Variants in ZNF189 observed in about 807,000 individuals in gnomAD.
ZNF189 encodes zinc finger protein 189.
Under a neutral mutation model 53.5 loss-of-function variants are expected in ZNF189, and 33 were observed. The observed-to-expected ratio is 0.62, with a 90% CI of 0.47 to 0.82. The LOEUF (loss-of-function observed/expected upper bound fraction) is 0.82, where lower values mean the gene tolerates loss of function less well. ZNF189 is among the 40% of genes least tolerant of loss of function. ZNF189 has a pLI of 0.00. For missense variants in ZNF189, 711 were observed against 753.9 expected (o/e 0.94, Z 0.67); for synonymous variants, 247 against 238.8 (o/e 1.03, Z -0.32).
chr9:101,398,890 A>C lies in ZNF189; in HGVS notation c.-267A>C. 1.8e-6 allele frequency: 1 copy of C among 545,528 alleles called. No individual in the cohort carries two copies. The highest frequency in any genetic ancestry group is 3.3e-6 in the Non-Finnish European group (1 of 307,542). 33.8% of individuals were successfully genotyped at this position (545,528 alleles called of 1,614,324 possible). ...TTGGCTGCAAGGAGGAGGAACTGGC[A>C]GCGGGGAGGAGGCTCTAGCGAGGCC... On this transcript the variant is annotated 5_prime_UTR_variant, in exon 1 of 3. Coordinates refer to ENST00000339664, the MANE Select transcript of ZNF189 (RefSeq NM_003452.4).
At position 101,408,578 on chromosome 9, in the gene ZNF189, T is replaced by C. The variant is rs762485437; in HGVS notation, c.810T>C (p.Ser270=). 5.0e-6 allele frequency: 8 copies of C among 1,614,126 alleles called. No individual in the cohort carries two copies. Among genetic ancestry groups the C allele is most frequent in the Non-Finnish European group, 5.9e-6 (7 of 1,180,014 alleles). The part of the protein sequence containing the change: ...HKCSDCGKAF[S]WKSHLIEHQR... ...GTAGTGACTGTGGGAAAGCCTTCAG[T>C]TGGAAATCACACCTTATTGAGCATC... is the stretch of plus-strand genomic sequence containing the variant. Residue 270 remains serine (S), a synonymous_variant, in exon 3 of 3, where the codon AGT becomes AGC. Coordinates refer to ENST00000339664, the MANE Select transcript of ZNF189 (RefSeq NM_003452.4).
chr9:101,406,959 T>C (rs1242259557), intron 2 of ZNF189, among the ~76,000 whole-genome samples: 2 of 152,206 alleles, frequency 1.3e-5, no homozygotes, highest in Admixed American at 6.5e-5. Flanking sequence ...TTAGAGGGTT[T>C]AGAATCACAT....
intron 2 of ZNF189, among the ~76,000 whole-genome samples, chr9:101,400,900 C>G (rs1249426708): frequency 1.3e-5 from 2 of 152,218 alleles, no homozygotes; most frequent in Non-Finnish European, 2.9e-5. Flanking sequence ...TACAACTTCT[C>G]TATCTTTCCT....
At chr9:101,407,271 T>C (rs762638129) in intron 2 of ZNF189, 2 of 396,306 alleles carry the variant, frequency 5.0e-6, no homozygotes, top group Non-Finnish European at 8.9e-6. Context: ...GAATCCTGGC[T>C]GATTACAATG....
At chr9:101,399,773 C>T (rs1830462262) in intron 1 of ZNF189, 111 bp from the exon 2 acceptor site, 2 of 1,510,612 alleles carry the variant, frequency 1.3e-6, no homozygotes, top group South Asian at 2.4e-5. Context: ...TTTCAGTTAT[C>T]ATGTTCCTCC....
rs547466740 is a variant in ZNF189, at chr9:101,405,093, A to G, written c.161-2836A>G. On this transcript the variant is annotated intron_variant, in intron 2 of 2. Transcript: ENST00000339664. Reference sequence around the variant, plus strand: ...AGACTGTAACACAAACAATTTGCCTACATAAAGTATGATAAAGTAGGTAGG... The same window carrying G: ...AGACTGTAACACAAACAATTTGCCTGCATAAAGTATGATAAAGTAGGTAGG... Among the ~76,000 whole-genome samples, 175 of 152,326 alleles carry G rather than the reference A, an allele frequency of 1.1e-3. 4 individuals carry two copies. In the Middle Eastern group the frequency reaches 0.014, roughly 12 times the overall value.
rs1438136991 is a variant in ZNF189 at position 101,410,150 on chromosome 9, T to A, written c.*501T>A. 1 of 153,328 alleles carries A rather than the reference T, an allele frequency of 6.5e-6. No homozygotes were observed. The highest frequency in any genetic ancestry group is 2.4e-5 in the African/African-American group (1 of 41,468). The allele number at this position is 153,328 out of a possible 1,614,324, so 9.5% of individuals were successfully genotyped here. A position where few individuals can be genotyped will look rare whatever the true frequency, so the allele number is the denominator to read the frequency against. ...CAAGTATACAGTTTTTGTCATTGTT[T>A]AAGAAAGCCAGTTGTTTGGCATGTG... is the stretch of plus-strand genomic sequence containing the variant. On this transcript the variant is annotated 3_prime_UTR_variant, in exon 3 of 3. Coordinates refer to ENST00000339664, the MANE Select transcript of ZNF189 (RefSeq NM_003452.4).
chr9:101,407,861 A>G (rs1013518171), intron 2 of ZNF189, 68 bp from the exon 3 acceptor site: 67 of 1,414,040 alleles, frequency 4.7e-5, no homozygotes, highest in Non-Finnish European at 5.9e-5. Context: ...TTGTTTGCCC[A>G]TCTTACTTTG....
intron 1 of ZNF189, 137 bp from the exon 2 acceptor site, chr9:101,399,747 G>T: frequency 7.1e-7 from 1 of 1,408,374 alleles, no homozygotes; most frequent in Non-Finnish European, 9.7e-7. Context: ...TCCCAGAATT[G>T]GGCAACATAT....
rs574323230 is a variant in ZNF189 at position 101,402,281 on chromosome 9, C to T, written c.160+2271C>T. Among the ~76,000 whole-genome samples, 3 of 152,042 alleles carry T rather than the reference C, an allele frequency of 2.0e-5. No homozygotes were observed. In the South Asian group the frequency reaches 6.2e-4, roughly 32 times the overall value. ...AACTGCCTAGGTTTAAATCCTTGTT[C>T]CACCACTTACTTAGCCTGGTGAGTA... On this transcript the variant is annotated intron_variant, in intron 2 of 2. Coordinates refer to ENST00000339664, the MANE Select transcript of ZNF189 (RefSeq NM_003452.4).
Position 101,409,251 on chromosome 9 carries a change from C to T in ZNF189, c.1483C>T (p.Arg495Trp), listed in dbSNP as rs370526862. Residue 495 changes from arginine to tryptophan, a missense_variant, in exon 3 of 3, where the codon CGG becomes TGG. Transcript: ENST00000339664. ...LCTVCGKSFS[R>W]SSFLIEHQRI... ...TACTGTCTGTGGGAAAAGCTTCAGC[C>T]GGAGCTCATTTCTTATTGAACATCA... 1.5e-5 allele frequency: 25 copies of T among 1,613,288 alleles called. No individual in the cohort carries two copies. Among genetic ancestry groups the T allele is most frequent in the South Asian group, 5.5e-5 (5 of 91,036 alleles).
At position 101,409,667 on chromosome 9, in the gene ZNF189, A is replaced by G; in HGVS notation, c.*18A>G. 6.4e-7 allele frequency: 1 copy of G among 1,571,792 alleles called. No individual in the cohort carries two copies. The highest frequency in any genetic ancestry group is 8.6e-7 in the Non-Finnish European group (1 of 1,162,120). ...TGCAATAAATGTAGAGCAATACATAAGCTCAATTTGATTTGAGACTAGTAC... is the reference window on the plus strand; with the variant it reads ...TGCAATAAATGTAGAGCAATACATAGGCTCAATTTGATTTGAGACTAGTAC... On this transcript the variant is annotated 3_prime_UTR_variant, in exon 3 of 3. Transcript: ENST00000339664.
chr9:101,404,226 G>A (rs1361900931), intron 2 of ZNF189, among the ~76,000 whole-genome samples: 1 of 152,146 alleles, frequency 6.6e-6, no homozygotes, highest in East Asian at 1.9e-4. Flanking sequence ...TTATGTGAAT[G>A]TCATTGTTTT....
At position 101,408,186 on chromosome 9, in the gene ZNF189, A is replaced by T; in HGVS notation, c.418A>T (p.Arg140Ter). Residue 140 changes from arginine (R) to a stop codon, truncating the protein, a stop_gained, in exon 3 of 3, where the codon AGA (arginine) becomes TGA (stop). Coordinates refer to ENST00000339664, the MANE Select transcript of ZNF189 (RefSeq NM_003452.4). LOFTEE classifies it high-confidence loss of function. ...FRENTNIIRKRPNSEEKCHKC... is the reference protein window; with the variant it reads ...FRENTNIIRK ...AGAAAACACTAACATTATCCGTAAAAGACCAAACTCAGAAGAGAAATGCCA... is the reference window on the plus strand; with the variant it reads ...AGAAAACACTAACATTATCCGTAAATGACCAAACTCAGAAGAGAAATGCCA... 1.2e-6 allele frequency: 2 copies of T among 1,614,190 alleles called. No individual in the cohort carries two copies. Among genetic ancestry groups the T allele is most frequent in the Non-Finnish European group, 1.7e-6 (2 of 1,180,032 alleles).
In ZNF189 at chr9:101,409,556, A is replaced by G. The variant is rs765953036; in HGVS notation, c.1788A>G (p.Gln596=). ...AGATCCATGCAGAGGTGAAAACCCA[A>G]GAAACCCATGAATGTGACGCTTGTG... is the stretch of plus-strand genomic sequence containing the variant. ...HQKIHAEVKT[Q]ETHECDACGE... Residue 596 remains glutamine (Q), a synonymous_variant, in exon 3 of 3, where the codon CAA becomes CAG. Coordinates refer to ENST00000339664, the MANE Select transcript of ZNF189 (RefSeq NM_003452.4). 1.2e-6 allele frequency: 2 copies of G among 1,614,100 alleles called. No homozygotes were observed. Among genetic ancestry groups the G allele is most frequent in the Non-Finnish European group, 1.7e-6 (2 of 1,179,998 alleles).
rs1405271626 is a variant in ZNF189 at position 101,408,497 on chromosome 9, G to A, written c.729G>A (p.Gln243=). 54 of 1,614,060 alleles carry A rather than the reference G, an allele frequency of 3.3e-5. No homozygotes were observed. Among genetic ancestry groups the A allele is most frequent in the Non-Finnish European group, 4.4e-5 (52 of 1,180,042 alleles). Residue 243 remains glutamine (Q), a synonymous_variant, in exon 3 of 3, where the codon CAG becomes CAA. Transcript: ENST00000339664. ...ATCAGTGTAAACAGAGCTTCAGCCA[G>A]AGAAGGAGCCTTGTTAAACATCAAA... The part of the protein sequence containing the change: ...QCNQCKQSFS[Q]RRSLVKHQRI...
intron 2 of ZNF189, chr9:101,407,342 C>A: frequency 2.5e-6 from 1 of 397,144 alleles, no homozygotes; most frequent in Admixed American, 4.4e-5. Context: ...ATTATTGTTT[C>A]CCCTGGATCT....
chr9:101,408,839 A>C lies in ZNF189; in HGVS notation c.1071A>C (p.Ser357=), dbSNP rs772452216. Residue 357 remains serine (S), a synonymous_variant, in exon 3 of 3, where the codon TCA becomes TCC. Coordinates refer to ENST00000339664, the MANE Select transcript of ZNF189 (RefSeq NM_003452.4). ...GTGGAAAAAGTTTCAGTCGGAGCTC[A>C]TTCCTTATTGAACATCAGAGGATCC... is the stretch of plus-strand genomic sequence containing the variant. ...IECGKSFSRS[S]FLIEHQRIHT... 8.7e-6 allele frequency: 14 copies of C among 1,614,056 alleles called. No individual in the cohort carries two copies. Among genetic ancestry groups the C allele is most frequent in the Non-Finnish European group, 1.2e-5 (14 of 1,180,024 alleles).
At chr9:101,400,159 C>G (rs775008665) in intron 2 of ZNF189, 149 bp downstream of exon 2, 4 of 1,097,956 alleles carry the variant, frequency 3.6e-6, no homozygotes, top group South Asian at 1.6e-5. Context: ...TTCCATAACT[C>G]TCATCCCTAG....
Sources: gnomAD v4.1 joint callset for allele counts (sites outside exome capture counted in the v4.1 genomes callset) on GRCh38, gnomAD v4.1.1 for gene constraint, MANE v1.5 for transcripts, NCBI Gene and HGNC (gene_info 2026-07-23, HGNC 2026-07-21) for gene names.